The following SORBS2 variants were observed in gnomAD, a reference collection of about 807,000 sequenced individuals.
SORBS2 encodes sorbin and SH3 domain-containing protein 2.
A neutral mutation model predicts 97.7 loss-of-function variants in SORBS2; 46 were observed. The ratio of observed to expected loss-of-function variants is 0.47; its 90% confidence interval spans 0.37 to 0.60. The LOEUF is 0.60. Among genes scored for constraint, SORBS2 ranks in the 20% least tolerant of loss-of-function variants. SORBS2 has a pLI of 0.00. For missense variants in SORBS2, 1,316 were observed against 1,282.3 expected (o/e 1.03, Z -0.40); for synonymous variants, 476 against 473.4 (o/e 1.01, Z -0.07).
chr4:185,645,176 G>A (rs1456407348), intron 4 of SORBS2, among the ~76,000 whole-genome samples: 1 of 152,110 alleles, frequency 6.6e-6, no homozygotes, highest in Non-Finnish European at 1.5e-5. Context: ...CCATTACCAT[G>A]TTCGTTATCC....
chr4:185,949,087 G>A (rs917282010), intron 1 of SORBS2, among the ~76,000 whole-genome samples: 2 of 151,844 alleles, frequency 1.3e-5, no homozygotes, highest in East Asian at 1.9e-4. Context: ...GAAACAGGAG[G>A]GGGGTTGGGG....
At chr4:185,836,698 G>C (rs1445231074) in intron 1 of SORBS2, among the ~76,000 whole-genome samples, 3 of 152,104 alleles carry the variant, frequency 2.0e-5, no homozygotes, top group African/African-American at 7.2e-5. Context: ...AGGCACCAGA[G>C]CTTGACACTA....
At chr4:185,624,161 G>A (rs762947669) in exon 7 of SORBS2, 6 of 1,614,236 alleles carry the variant, frequency 3.7e-6, no homozygotes, top group Non-Finnish European at 5.1e-6. Flanking sequence ...CCACGCCATG[G>A]GGCAGCTCTC....
intron 1 of SORBS2, among the ~76,000 whole-genome samples, chr4:185,799,715 G>A (rs538675909): frequency 2.0e-5 from 3 of 152,280 alleles, no homozygotes; most frequent in Non-Finnish European, 2.9e-5. Flanking sequence ...AGTGGCTGAC[G>A]TCTGTGAGAC....
chr4:185,608,593 G>C (rs892258367), intron 12 of SORBS2, among the ~76,000 whole-genome samples: 2 of 152,094 alleles, frequency 1.3e-5, no homozygotes, highest in South Asian at 4.1e-4. Context: ...TTATGCAAAG[G>C]TATTAAAAGT....
chr4:185,924,797 C>T (rs1404489329), intron 1 of SORBS2, among the ~76,000 whole-genome samples: 1 of 152,250 alleles, frequency 6.6e-6, no homozygotes, highest in Admixed American at 6.5e-5. Context: ...CCAATCCCCA[C>T]TCCCTCCGTC....
In SORBS2 at chr4:185,639,999, T is replaced by C. The variant is rs182584524; in HGVS notation, c.396+6669A>G. On this transcript the variant is annotated intron_variant, in intron 4 of 14. Coordinates refer to ENST00000418609, the Ensembl canonical transcript of SORBS2. Reference sequence around the variant, plus strand: ...TCTACTGTTTTATTGACTCGTTGCATTTACAAGTTTTGCTAATGATACACA... The same window carrying C: ...TCTACTGTTTTATTGACTCGTTGCACTTACAAGTTTTGCTAATGATACACA... 1.1e-4 allele frequency among the ~76,000 whole-genome samples: 16 copies of C among 152,332 alleles called. No homozygotes were observed. The East Asian group carries it at 2.7e-3, about 26-fold the overall frequency.
At chr4:185,624,347 C>T in exon 7 of SORBS2, 1 of 1,614,216 alleles carries the variant, frequency 6.2e-7, no homozygotes, top group Non-Finnish European at 8.5e-7. Flanking sequence ...CATTTGCCAG[C>T]CGTTCTTGAA....
intron 2 of SORBS2, among the ~76,000 whole-genome samples, chr4:185,716,892 A>G (rs551717054): frequency 6.6e-6 from 1 of 152,392 alleles, no homozygotes; most frequent in South Asian, 2.1e-4. Context: ...GTCCCTTTAC[A>G]GAAAAGAAGT....
intron 2 of SORBS2, among the ~76,000 whole-genome samples, chr4:185,747,926 G>A (rs951733553): frequency 1.8e-4 from 27 of 152,152 alleles, no homozygotes; most frequent in African/African-American, 5.3e-4. Context: ...AGGAGGCGGA[G>A]GTTGCAGTGA....
chr4:185,759,386 G>A (rs2098850722), intron 2 of SORBS2, among the ~76,000 whole-genome samples: 1 of 152,214 alleles, frequency 6.6e-6, no homozygotes, highest in East Asian at 1.9e-4. Flanking sequence ...GTGAGGGTAA[G>A]GTGCTCCATT....
chr4:185,620,105 C>T, exon 8 of SORBS2: 1 of 1,612,538 alleles, frequency 6.2e-7, no homozygotes, highest in Non-Finnish European at 8.5e-7. Flanking sequence ...GTGCACTTCT[C>T]CCCATGTCAG....
chr4:185,910,952 T>C (rs1468573203), intron 1 of SORBS2, among the ~76,000 whole-genome samples: 1 of 151,880 alleles, frequency 6.6e-6, no homozygotes, highest in Non-Finnish European at 1.5e-5. Context: ...ATGCGGTGTT[T>C]GATTTTTTAA....
chr4:185,676,905 G>T, intron 4 of SORBS2: 1 of 992,308 alleles, frequency 1.0e-6, no homozygotes, highest in Non-Finnish European at 1.5e-6. Context: ...AACTAAGAAA[G>T]CATTAGGTCA....
At chr4:185,608,753 C>T (rs2096482141) in intron 12 of SORBS2, among the ~76,000 whole-genome samples, 1 of 152,118 alleles carries the variant, frequency 6.6e-6, no homozygotes, top group Non-Finnish European at 1.5e-5. Context: ...GCCTAAAAGC[C>T]TTGAGAAGGG....
At chr4:185,781,147 G>T (rs899846912) in intron 1 of SORBS2, among the ~76,000 whole-genome samples, 1 of 152,008 alleles carries the variant, frequency 6.6e-6, no homozygotes. Context: ...ATGTTGGTCA[G>T]GTTGGTCTCG....
At chr4:185,785,135 A>G (rs1170856021) in intron 1 of SORBS2, among the ~76,000 whole-genome samples, 1 of 152,008 alleles carries the variant, frequency 6.6e-6, no homozygotes, top group Non-Finnish European at 1.5e-5. Context: ...TTAAATCTAA[A>G]TTGAAGATGA....
intron 1 of SORBS2, among the ~76,000 whole-genome samples, chr4:185,942,557 G>A (rs1224386081): frequency 6.6e-6 from 1 of 151,956 alleles, no homozygotes; most frequent in Non-Finnish European, 1.5e-5. Flanking sequence ...CACCATGTTG[G>A]TCAGGCTGGT....
chr4:185,589,968 C>A (rs2095882328), intron 13 of SORBS2, 183 bp from the exon 26 acceptor site: 1 of 482,604 alleles, frequency 2.1e-6, no homozygotes, highest in Non-Finnish European at 3.7e-6. Flanking sequence ...TAAGCAGGTA[C>A]ATAGCAATAT....
Sources: gnomAD v4.1 joint callset for allele counts (sites outside exome capture counted in the v4.1 genomes callset) on GRCh38, gnomAD v4.1.1 for gene constraint, MANE v1.5 for transcripts, NCBI Gene and HGNC (gene_info 2026-07-23, HGNC 2026-07-21) for gene names.